AGBL4: variants seen among roughly 807,000 people sequenced by gnomAD.
The protein encoded by AGBL4 is AGBL carboxypeptidase 4, also known as cytosolic carboxypeptidase 6.
A neutral mutation model predicts 66.4 loss-of-function variants in AGBL4; 58 were observed. The ratio of observed to expected loss-of-function variants is 0.87; its 90% CI spans 0.71 to 1.09. The LOEUF (loss-of-function observed/expected upper bound fraction) is 1.09, where lower values mean the gene tolerates loss of function less well. AGBL4 is among the 50% of genes least tolerant of loss of function. The pLI, the probability that AGBL4 is intolerant of heterozygous loss-of-function variation, is 0.00. For missense variants in AGBL4, 579 were observed against 631.0 expected (o/e 0.92, Z 0.88); for synonymous variants, 234 against 222.9 (o/e 1.05, Z -0.44).
chr1:49,499,476 A>T (rs1647924180), intron 3 of AGBL4, among the ~76,000 whole-genome samples: 1 of 151,874 alleles, frequency 6.6e-6, no homozygotes, highest in African/African-American at 2.4e-5. Flanking sequence ...CAAGAAGTGT[A>T]CGTGGCACCC....
chr1:49,003,174 G>A (rs1661520350), intron 5 of AGBL4, among the ~76,000 whole-genome samples: 1 of 152,198 alleles, frequency 6.6e-6, no homozygotes, highest in African/African-American at 2.4e-5. Flanking sequence ...AAGGCAGGTG[G>A]ATCGCCTGAC....
At chr1:49,513,759 A>C (rs1649491274) in intron 3 of AGBL4, among the ~76,000 whole-genome samples, 1 of 151,990 alleles carries the variant, frequency 6.6e-6, no homozygotes, top group African/African-American at 2.4e-5. Context: ...ATAAATGACT[A>C]TTTCAATTGC....
intron 3 of AGBL4, among the ~76,000 whole-genome samples, chr1:49,417,388 T>C (rs780462330): frequency 8.5e-5 from 13 of 152,158 alleles, no homozygotes; most frequent in Non-Finnish European, 5.9e-5. Flanking sequence ...CCTTTTGCTG[T>C]GCCAGAAATT....
chr1:49,192,794 T>C (rs181177092), intron 4 of AGBL4, among the ~76,000 whole-genome samples: 1 of 152,304 alleles, frequency 6.6e-6, no homozygotes, highest in African/African-American at 2.4e-5. Flanking sequence ...TGTACTATTA[T>C]GAAAAAAACC....
chr1:49,248,889 A>G (rs1651839273), intron 3 of AGBL4, among the ~76,000 whole-genome samples: 1 of 151,932 alleles, frequency 6.6e-6, no homozygotes, highest in East Asian at 1.9e-4. Flanking sequence ...TTCTTGTTTC[A>G]GTAATACGGT....
chr1:49,503,738 G>T (rs1445905579), intron 3 of AGBL4, among the ~76,000 whole-genome samples: 1 of 152,122 alleles, frequency 6.6e-6, no homozygotes, highest in African/African-American at 2.4e-5. Context: ...TGGCCCTTTT[G>T]TTTAGGCCAA....
chr1:49,775,413 T>G (rs1644170690), intron 2 of AGBL4, among the ~76,000 whole-genome samples: 1 of 152,152 alleles, frequency 6.6e-6, no homozygotes, highest in Non-Finnish European at 1.5e-5. Flanking sequence ...TTTTAATGAG[T>G]AATGGGATCC....
At chr1:49,407,829 AG>A (rs1210349446) in intron 3 of AGBL4, among the ~76,000 whole-genome samples, 1 of 152,242 alleles carries the variant, frequency 6.6e-6, no homozygotes, top group African/African-American at 2.4e-5. Context: ...CGGAAAGAGG[AG>A]GTTGATAGTC....
chr1:49,748,647 C>T (rs1470050795), intron 2 of AGBL4, among the ~76,000 whole-genome samples: 9 of 152,230 alleles, frequency 5.9e-5, no homozygotes, highest in Non-Finnish European at 1.3e-4. Flanking sequence ...ATTCCTACTT[C>T]TCCACATCCT....
At chr1:49,560,245 A>G (rs1644004596) in intron 3 of AGBL4, among the ~76,000 whole-genome samples, 1 of 152,198 alleles carries the variant, frequency 6.6e-6, no homozygotes. Context: ...GAAAAAAATC[A>G]GAATTTCATC....
intron 3 of AGBL4, among the ~76,000 whole-genome samples, chr1:49,405,027 G>A (rs1645166915): frequency 6.6e-6 from 1 of 152,086 alleles, no homozygotes; most frequent in Admixed American, 6.5e-5. Flanking sequence ...AGATTCCACT[G>A]GGTGCTTGGG....
At chr1:48,809,511 A>G (rs1025318622) in intron 6 of AGBL4, among the ~76,000 whole-genome samples, 2 of 152,208 alleles carry the variant, frequency 1.3e-5, no homozygotes, top group African/African-American at 4.8e-5. Context: ...GACATCATGT[A>G]GAAGTGGATA....
chr1:49,207,212 G>A (rs1345314319), intron 4 of AGBL4, among the ~76,000 whole-genome samples: 1 of 152,008 alleles, frequency 6.6e-6, no homozygotes, highest in Non-Finnish European at 1.5e-5. Flanking sequence ...TCTATCAGTG[G>A]CAGAATCCAA....
intron 6 of AGBL4, among the ~76,000 whole-genome samples, chr1:48,760,708 G>T (rs985323825): frequency 6.6e-6 from 1 of 152,068 alleles, no homozygotes; most frequent in Non-Finnish European, 1.5e-5. Context: ...ATCAGACCAT[G>T]GTCAATGCAG....
intron 3 of AGBL4, among the ~76,000 whole-genome samples, chr1:49,476,037 T>C (rs1400796651): frequency 6.6e-6 from 1 of 152,000 alleles, no homozygotes; most frequent in Non-Finnish European, 1.5e-5. Context: ...TTGAGATCTT[T>C]ATATTGAGGT....
chr1:49,997,111 T>G (rs1035237867), intron 1 of AGBL4, among the ~76,000 whole-genome samples: 1 of 152,074 alleles, frequency 6.6e-6, no homozygotes, highest in Admixed American at 6.5e-5. Context: ...CCTTAAAGCA[T>G]AAATCTCACA....
At chr1:49,593,212 T>C (rs1644785789) in intron 3 of AGBL4, among the ~76,000 whole-genome samples, 2 of 152,130 alleles carry the variant, frequency 1.3e-5, no homozygotes, top group Non-Finnish European at 2.9e-5. Flanking sequence ...GAGACCATCC[T>C]GGCTAACACG....
chr1:48,882,319 T>G (rs949091656), intron 5 of AGBL4, among the ~76,000 whole-genome samples: 1 of 152,240 alleles, frequency 6.6e-6, no homozygotes, highest in Non-Finnish European at 1.5e-5. Flanking sequence ...AGTGCTTTCC[T>G]ATTTCCTCCA....
intron 3 of AGBL4, among the ~76,000 whole-genome samples, chr1:49,256,035 G>A (rs908465550): frequency 8.6e-5 from 13 of 152,008 alleles, no homozygotes; most frequent in African/African-American, 2.7e-4. Context: ...AATGGAAATC[G>A]GGAAAAATAA....
Sources: allele counts gnomAD v4.1 joint callset (sites outside exome capture counted in the v4.1 genomes callset), GRCh38; gene constraint gnomAD v4.1.1; transcripts MANE v1.5; gene names NCBI Gene and HGNC (gene_info 2026-07-23, HGNC 2026-07-21).